Variants in ESRRG observed in about 807,000 individuals in gnomAD.
The protein encoded by ESRRG is estrogen related receptor gamma.
Under a neutral mutation model 44.0 loss-of-function variants are expected in ESRRG, and 13 were observed. That is an observed-to-expected ratio of 0.30 (90% CI 0.19 to 0.47). The LOEUF (loss-of-function observed/expected upper bound fraction) is 0.47, where lower values mean the gene tolerates loss of function less well. ESRRG is among the 20% of genes least tolerant of loss of function. The pLI is 1.00. For synonymous variants in ESRRG, 215 were observed against 214.6 expected (o/e 1.00, Z -0.02); for missense variants, 395 against 580.6 (o/e 0.68, Z 3.29).
At chr1:216,552,620 G>T (rs1021240316) in intron 5 of ESRRG, among the ~76,000 whole-genome samples, 1 of 152,148 alleles carries the variant, frequency 6.6e-6, no homozygotes, top group Non-Finnish European at 1.5e-5. Flanking sequence ...TTCATGGGAT[G>T]TGGCAATACC....
At chr1:217,131,252 T>A (rs1349360791) in intron 1 of ESRRG, among the ~76,000 whole-genome samples, 1 of 152,160 alleles carries the variant, frequency 6.6e-6, no homozygotes, top group African/African-American at 2.4e-5. Context: ...TAAAAAGGCA[T>A]GTTTATCTTT....
chr1:216,841,875 G>C (rs979999653), intron 2 of ESRRG, among the ~76,000 whole-genome samples: 8 of 151,844 alleles, frequency 5.3e-5, no homozygotes, highest in Non-Finnish European at 1.2e-4. Flanking sequence ...AAAATATCTG[G>C]GTTTAGAATG....
intron 2 of ESRRG, among the ~76,000 whole-genome samples, chr1:216,883,106 AGT>A (rs570227845): frequency 6.9e-4 from 105 of 152,270 alleles, no homozygotes; most frequent in African/African-American, 2.5e-3. Context: ...GGCTGGGCGC[AGT>A]GGCTCACGCC....
In ESRRG at chr1:217,085,953, G is replaced by A. The variant is rs189908116; in HGVS notation, c.-106+3554C>T. On this transcript the variant is annotated intron_variant, in intron 1 of 7. Transcript: ENST00000359162. ...AACCTAAAAACTGAATTGCAAAGCC[G>A]TATGATTTCACAGCTTTAACAAACT... Among the ~76,000 whole-genome samples, 794 of 152,268 alleles carry A rather than the reference G, an allele frequency of 5.2e-3. 5 individuals carry two copies. Among genetic ancestry groups the A allele is most frequent in the Non-Finnish European group, 8.6e-3 (588 of 68,028 alleles).
In ESRRG at chr1:216,518,465, G is replaced by A. The variant is rs539707923; in HGVS notation, c.1132+687C>T. On this transcript the variant is annotated intron_variant, in intron 6 of 6. Coordinates refer to ENST00000408911, the MANE Select transcript of ESRRG (RefSeq NM_001438.4). ...CACGCAGGTATCTAATGATCGGCAC[G>A]TCATTAAGGAGGGATCTATCCTGAA... is the stretch of plus-strand genomic sequence containing the variant. 2.6e-5 allele frequency among the ~76,000 whole-genome samples: 4 copies of A among 152,232 alleles called. No individual in the cohort carries two copies. In the South Asian group the frequency reaches 8.3e-4, roughly 32 times the overall value.
At chr1:216,667,169 T>C (rs1238884959) in intron 2 of ESRRG, among the ~76,000 whole-genome samples, 1 of 152,198 alleles carries the variant, frequency 6.6e-6, no homozygotes, top group African/African-American at 2.4e-5. Context: ...TCAGGAGATC[T>C]ATAGGGAATT....
At chr1:216,722,004 TAC>T (rs1180036829) in intron 1 of ESRRG, among the ~76,000 whole-genome samples, 2 of 152,108 alleles carry the variant, frequency 1.3e-5, no homozygotes. Context: ...TGAGCGTGCA[TAC>T]ACACACACAC....
chr1:217,137,416 G>A (rs1177736676), intron 1 of ESRRG, among the ~76,000 whole-genome samples: 2 of 152,228 alleles, frequency 1.3e-5, no homozygotes, highest in Non-Finnish European at 2.9e-5. Flanking sequence ...TGCGGGGTGT[G>A]CCCACCGCCC....
intron 2 of ESRRG, among the ~76,000 whole-genome samples, chr1:216,850,998 A>G (rs2095834469): frequency 6.7e-6 from 1 of 149,926 alleles, no homozygotes; most frequent in Admixed American, 6.8e-5. Context: ...TAAAAAAGGT[A>G]TGGTTTACAT....
chr1:216,752,041 G>C (rs2813697), intron 2 of ESRRG, among the ~76,000 whole-genome samples: 1 of 152,006 alleles, frequency 6.6e-6, no homozygotes, highest in Non-Finnish European at 1.5e-5. Context: ...ACTTCAAGGC[G>C]TCCTTAGCCA....
chr1:216,712,300 T>C (rs1193453936), intron 1 of ESRRG, among the ~76,000 whole-genome samples: 1 of 152,198 alleles, frequency 6.6e-6, no homozygotes, highest in Non-Finnish European at 1.5e-5. Flanking sequence ...AAATGCTTCA[T>C]TCCAAGTGCC....
At chr1:216,791,029 G>A (rs1028147356) in intron 2 of ESRRG, among the ~76,000 whole-genome samples, 6 of 152,166 alleles carry the variant, frequency 3.9e-5, no homozygotes, top group African/African-American at 1.4e-4. Flanking sequence ...TCTGTTACTT[G>A]TAGTCAAAAG....
At chr1:216,786,021 G>C (rs956987716) in intron 2 of ESRRG, among the ~76,000 whole-genome samples, 1 of 152,102 alleles carries the variant, frequency 6.6e-6, no homozygotes, top group Non-Finnish European at 1.5e-5. Context: ...CAATGGAATG[G>C]AACAGAACAT....
intron 2 of ESRRG, among the ~76,000 whole-genome samples, chr1:216,898,048 G>C (rs1035158619): frequency 6.6e-6 from 1 of 152,166 alleles, no homozygotes; most frequent in Non-Finnish European, 1.5e-5. Context: ...CAAATTATAA[G>C]GTTGAAATGA....
intron 2 of ESRRG, among the ~76,000 whole-genome samples, chr1:216,834,326 A>T (rs895794941): frequency 6.6e-6 from 1 of 152,154 alleles, no homozygotes; most frequent in Non-Finnish European, 1.5e-5. Context: ...ACTTGAGCCC[A>T]GGAGTTTGAG....
chr1:216,734,590 C>A (rs1291197322), intron 2 of ESRRG, among the ~76,000 whole-genome samples: 1 of 152,206 alleles, frequency 6.6e-6, no homozygotes, highest in Non-Finnish European at 1.5e-5. Flanking sequence ...TCACCAGAAG[C>A]AGATGTTGGC....
intron 1 of ESRRG, among the ~76,000 whole-genome samples, chr1:216,975,286 T>TC (rs1262028204): frequency 6.6e-6 from 1 of 152,196 alleles, no homozygotes; most frequent in Admixed American, 6.5e-5. Context: ...CAATGTCCTC[T>TC]CTCTTACCAA....
chr1:217,071,060 T>C (rs570764882), intron 1 of ESRRG, among the ~76,000 whole-genome samples: 2 of 152,190 alleles, frequency 1.3e-5, no homozygotes, highest in African/African-American at 4.8e-5. Flanking sequence ...TGTCCCATTA[T>C]TCTTGTCCAC....
intron 2 of ESRRG, among the ~76,000 whole-genome samples, chr1:216,775,509 C>T (rs2093569860): frequency 6.7e-6 from 1 of 148,454 alleles, no homozygotes; most frequent in African/African-American, 2.5e-5. Context: ...TTGCTCAACC[C>T]TGACAGCATG....
Sources: gnomAD v4.1 joint callset for allele counts (sites outside exome capture counted in the v4.1 genomes callset) on GRCh38, gnomAD v4.1.1 for gene constraint, MANE v1.5 for transcripts, NCBI Gene and HGNC (gene_info 2026-07-23, HGNC 2026-07-21) for gene names.